Variants in GALNT13 observed in about 807,000 individuals in gnomAD.
The protein encoded by GALNT13 is polypeptide N-acetylgalactosaminyltransferase 13, also known as UDP-GalNAc:polypeptide N-acetylgalactosaminyltransferase 13.
A neutral mutation model predicts 64.2 loss-of-function variants in GALNT13; 28 were observed. The observed-to-expected ratio is 0.44, with a 90% confidence interval of 0.32 to 0.60. The LOEUF (loss-of-function observed/expected upper bound fraction) is 0.60, where lower values mean the gene tolerates loss of function less well. Among genes scored for constraint, GALNT13 ranks in the 20% least tolerant of loss-of-function variants. GALNT13 has a pLI of 0.05. For missense variants in GALNT13, 577 were observed against 669.8 expected, an observed-to-expected ratio of 0.86 and a Z score of 1.53; for synonymous variants, 214 against 224.6, an observed-to-expected ratio of 0.95 and a Z score of 0.42.
In GALNT13 at chr2:154,346,417, G is replaced by C. The variant is rs149060948; in HGVS notation, c.1156+44828G>C. 7.0e-3 allele frequency among the ~76,000 whole-genome samples: 1,072 copies of C among 152,068 alleles called. 12 individuals carry two copies. The highest frequency in any genetic ancestry group is 0.025 in the African/African-American group (1,025 of 41,498). ...CCCTACCCAAGTCTCATCTTGAATT[G>C]TGGCTCCCATAATTCTCACATGTTG... is the stretch of plus-strand genomic sequence containing the variant. On this transcript the variant is annotated intron_variant, in intron 9 of 12. Coordinates refer to ENST00000392825, the MANE Select transcript of GALNT13 (RefSeq NM_052917.4).
chr2:154,110,935 T>C (rs1354128932), intron 3 of GALNT13, among the ~76,000 whole-genome samples: 1 of 152,150 alleles, frequency 6.6e-6, no homozygotes, highest in African/African-American at 2.4e-5. Context: ...GGAACCCAAA[T>C]ACTATTACAT....
chr2:153,576,298 G>T, the GALNT13 span, among the ~76,000 whole-genome samples: 2 of 152,072 alleles, frequency 1.3e-5, no homozygotes, highest in Non-Finnish European at 2.9e-5. Context: ...CCCATCCACA[G>T]TCTGCGGGCC....
At chr2:153,934,001 C>G (rs553553892) in intron 2 of GALNT13, among the ~76,000 whole-genome samples, 2 of 152,110 alleles carry the variant, frequency 1.3e-5, no homozygotes, top group Admixed American at 1.3e-4. Context: ...GGTCACCTGC[C>G]TCTCCTCTCT....
intron 2 of GALNT13, among the ~76,000 whole-genome samples, chr2:153,923,502 G>T (rs1689895389): frequency 6.6e-6 from 1 of 151,784 alleles, no homozygotes; most frequent in African/African-American, 2.4e-5. Context: ...TTTGATTTTG[G>T]AATCTGATTT....
chr2:153,078,363 G>A, the GALNT13 span, among the ~76,000 whole-genome samples: 1 of 140,230 alleles, frequency 7.1e-6, no homozygotes, highest in Non-Finnish European at 1.5e-5. Flanking sequence ...CCAGGCTGAT[G>A]TACAGTGGCG....
chr2:154,092,591 T>C (rs190518794), intron 3 of GALNT13, among the ~76,000 whole-genome samples: 69 of 152,152 alleles, frequency 4.5e-4, no homozygotes, highest in Admixed American at 1.7e-3. Flanking sequence ...GCCAAATACT[T>C]AAAAATGTGA....
the GALNT13 span, among the ~76,000 whole-genome samples, chr2:153,850,883 A>G: frequency 6.6e-6 from 1 of 152,198 alleles, no homozygotes; most frequent in Non-Finnish European, 1.5e-5. Context: ...GAAAAAAAGC[A>G]TTAGGATATG....
chr2:153,540,464 C>A, the GALNT13 span, among the ~76,000 whole-genome samples: 1 of 152,324 alleles, frequency 6.6e-6, no homozygotes, highest in East Asian at 1.9e-4. Context: ...GGAGCTCCCA[C>A]ACAGAGTCCC....
chr2:154,198,427 A>G (rs1686992082), intron 4 of GALNT13, among the ~76,000 whole-genome samples: 1 of 151,890 alleles, frequency 6.6e-6, no homozygotes, highest in Admixed American at 6.6e-5. Flanking sequence ...AAAATTTACT[A>G]TTTTGGTCAT....
intron 4 of GALNT13, among the ~76,000 whole-genome samples, chr2:154,141,239 A>T (rs1683240203): frequency 6.6e-6 from 1 of 152,118 alleles, no homozygotes; most frequent in Non-Finnish European, 1.5e-5. Context: ...AGACTTTATA[A>T]ACACTATACA....
chr2:153,177,743 C>T, the GALNT13 span, among the ~76,000 whole-genome samples: 3 of 152,098 alleles, frequency 2.0e-5, no homozygotes, highest in African/African-American at 7.2e-5. Flanking sequence ...AATTCACTCT[C>T]AGTGATTTTA....
chr2:153,943,499 ATT>A (rs5835492), intron 2 of GALNT13, among the ~76,000 whole-genome samples: 61 of 148,396 alleles, frequency 4.1e-4, no homozygotes, highest in Admixed American at 4.7e-4. Flanking sequence ...GTATGTATGT[ATT>A]TTTTTTTTTT....
chr2:153,674,762 C>A, the GALNT13 span, among the ~76,000 whole-genome samples: 1 of 152,018 alleles, frequency 6.6e-6, no homozygotes, highest in East Asian at 1.9e-4. Flanking sequence ...AGTGAACGGG[C>A]AACCTACAGA....
the GALNT13 span, among the ~76,000 whole-genome samples, chr2:153,748,907 C>A: frequency 6.6e-6 from 1 of 152,096 alleles, no homozygotes; most frequent in Non-Finnish European, 1.5e-5. Context: ...TTTGCCAAGA[C>A]CAATGTCCTG....
chr2:153,963,731 C>G (rs809618), intron 3 of GALNT13, among the ~76,000 whole-genome samples: 12,077 of 100,578 alleles, frequency 0.12, 780 homozygotes, highest in Admixed American at 0.23. Context: ...CTCTCTCTCT[C>G]TGTGTGTGTG....
the GALNT13 span, among the ~76,000 whole-genome samples, chr2:153,497,250 C>G: frequency 6.6e-6 from 1 of 151,918 alleles, no homozygotes; most frequent in Non-Finnish European, 1.5e-5. Context: ...AAATGTTGCT[C>G]GAACCTAAGG....
intron 8 of GALNT13, among the ~76,000 whole-genome samples, chr2:154,277,267 A>C (rs1691700741): frequency 2.0e-5 from 3 of 152,312 alleles, no homozygotes; most frequent in African/African-American, 7.2e-5. Flanking sequence ...CCTTAAAGAC[A>C]TCTAGGACAA....
the GALNT13 span, among the ~76,000 whole-genome samples, chr2:153,847,875 T>G: frequency 2.6e-5 from 4 of 152,108 alleles, no homozygotes; most frequent in Admixed American, 2.0e-4. Flanking sequence ...ACAAAAAATA[T>G]GGGATTTTAC....
At chr2:153,496,025 G>A in the GALNT13 span, among the ~76,000 whole-genome samples, 4 of 152,204 alleles carry the variant, frequency 2.6e-5, no homozygotes, top group Admixed American at 6.5e-5. Flanking sequence ...TAGCCCTGCC[G>A]ATGGTGTCCA....
Sources: allele counts gnomAD v4.1 joint callset (sites outside exome capture counted in the v4.1 genomes callset), GRCh38; gene constraint gnomAD v4.1.1; transcripts MANE v1.5; gene names NCBI Gene and HGNC (gene_info 2026-07-23, HGNC 2026-07-21).